PTPRJ: variants seen among roughly 807,000 people sequenced by gnomAD.
PTPRJ encodes the protein receptor-type tyrosine-protein phosphatase eta.
In PTPRJ, 129 loss-of-function variants were observed where a neutral mutation model predicts 141.3. That is an observed-to-expected ratio of 0.91 (90% confidence interval 0.79 to 1.06). The LOEUF (loss-of-function observed/expected upper bound fraction) is 1.06. Ranked by LOEUF, PTPRJ falls within the 50% of genes least tolerant of loss-of-function variation. The probability of loss-of-function intolerance (pLI) is 0.00; values close to 1 mark genes in which losing one functional copy is unlikely to be tolerated. For synonymous variants in PTPRJ, 610 were observed against 640.5 expected (o/e 0.95, Z 0.72); for missense variants, 1,601 against 1,679.7 (o/e 0.95, Z 0.82).
chr11:47,992,788 T>C (rs757296014), intron 1 of PTPRJ, among the ~76,000 whole-genome samples: 30 of 152,200 alleles, frequency 2.0e-4, no homozygotes, highest in Non-Finnish European at 4.1e-4. Flanking sequence ...TGGTAAGTAT[T>C]GTAAAAATAC....
At position 48,160,009 on chromosome 11, in the gene PTPRJ, T is replaced by C. The variant is rs143145279; in HGVS notation, c.3518T>C (p.Val1173Ala). ...DITVAMTSEI[V>A]LPEWTIRDFT... The stretch of plus-strand genomic sequence containing the variant: ...ACTGTGGCAATGACATCAGAAATTG[T>C]TCTTCCGGAATGGACCATCAGAGAT... The change falls in exon 22 of 25, where the codon GTT (valine) becomes GCT (alanine). Residue 1173 changes from valine to alanine, a missense_variant. Val to Ala is a moderately conservative substitution (Grantham distance 64). Coordinates refer to ENST00000418331, the MANE Select transcript of PTPRJ (RefSeq NM_002843.4). 645 of 1,614,042 alleles carry C rather than the reference T, an allele frequency of 4.0e-4. 4 individuals carry two copies. The East Asian group carries it at 0.01, about 25-fold the overall frequency.
chr11:48,150,014 A>G lies in PTPRJ; in HGVS notation c.3050+16A>G. The G allele has an allele frequency of 6.7e-7, 1 of 1,496,168 alleles. No homozygotes were observed. Among genetic ancestry groups the G allele is most frequent in the Non-Finnish European group, 9.2e-7 (1 of 1,081,852 alleles). The allele number at this position is 1,496,168 out of a possible 1,614,324, so 92.7% of individuals were successfully genotyped here. A position where few individuals can be genotyped will look rare whatever the true frequency, so the allele number is the denominator to read the frequency against. ...GACCTAAAAAGTGAGTAATCTCTTT[A>G]TTTTTTTTAATAACTTGTACTTTTC... On this transcript the variant is annotated intron_variant, in intron 17 of 24. Transcript: ENST00000418331.
chr11:48,163,358 A>G, intron 22 of PTPRJ, 100 bp from the exon 23 acceptor site: 1 of 1,137,868 alleles, frequency 8.8e-7, no homozygotes, highest in East Asian at 2.4e-5. Flanking sequence ...AGTCATTACA[A>G]CTCCTGGTTA....
At chr11:48,109,808 A>G (rs1856392997) in intron 1 of PTPRJ, among the ~76,000 whole-genome samples, 1 of 152,124 alleles carries the variant, frequency 6.6e-6, no homozygotes, top group South Asian at 2.1e-4. Context: ...GGGGAGAAAC[A>G]CTGGGCACTG....
At chr11:48,144,140 G>A (rs991986515) in intron 12 of PTPRJ, among the ~76,000 whole-genome samples, 1 of 152,172 alleles carries the variant, frequency 6.6e-6, no homozygotes, top group African/African-American at 2.4e-5. Flanking sequence ...CGGGGTTAGG[G>A]ATCTGGGAGG....
At chr11:48,097,796 C>A (rs576672910) in intron 1 of PTPRJ, among the ~76,000 whole-genome samples, 13 of 152,254 alleles carry the variant, frequency 8.5e-5, no homozygotes, top group Non-Finnish European at 1.3e-4. Flanking sequence ...CCTCAGCCCC[C>A]CAAAGTGCTA....
chr11:48,104,556 T>G (rs919383060), intron 1 of PTPRJ, among the ~76,000 whole-genome samples: 20 of 152,340 alleles, frequency 1.3e-4, no homozygotes, highest in Admixed American at 1.2e-3. Context: ...ATTGTGCTAT[T>G]CAGTCACTTA....
At chr11:47,991,947 C>T (rs970346886) in intron 1 of PTPRJ, among the ~76,000 whole-genome samples, 3 of 152,182 alleles carry the variant, frequency 2.0e-5, no homozygotes, top group Admixed American at 6.5e-5. Flanking sequence ...GAGACACTGG[C>T]ATAATTTACA....
chr11:48,096,090 TACTC>T (rs1855996381), intron 1 of PTPRJ, among the ~76,000 whole-genome samples: 1 of 152,234 alleles, frequency 6.6e-6, no homozygotes, highest in African/African-American at 2.4e-5. Flanking sequence ...ATTGCTGACT[TACTC>T]AGTTGATCAC....
chr11:48,003,518 A>G, intron 1 of PTPRJ, among the ~76,000 whole-genome samples: 1 of 152,050 alleles, frequency 6.6e-6, no homozygotes, highest in Admixed American at 6.6e-5. Flanking sequence ...TTTACTTGAG[A>G]CAGAGTTTTG....
rs559597426 is a variant in PTPRJ, at chr11:48,081,899, T to C, written c.97-28159T>C. Among the ~76,000 whole-genome samples the C allele has an allele frequency of 1.6e-4, 24 of 152,316 alleles. No individual in the cohort carries two copies. The East Asian group carries it at 4.6e-3, about 29-fold the overall frequency. Reference sequence around the variant, plus strand: ...ATGAAGTCTCAGGAAGCTCGAAGTTTGTAGTTAACTCTTTCAGGGTAGATG... The same window carrying C: ...ATGAAGTCTCAGGAAGCTCGAAGTTCGTAGTTAACTCTTTCAGGGTAGATG... On this transcript the variant is annotated intron_variant, in intron 1 of 24. Transcript: ENST00000418331.
chr11:48,110,574 A>T (rs1288686545), intron 2 of PTPRJ, among the ~76,000 whole-genome samples: 1 of 152,244 alleles, frequency 6.6e-6, no homozygotes, highest in Non-Finnish European at 1.5e-5. Flanking sequence ...TTGTGCAATC[A>T]TGATGAAAAT....
chr11:48,170,441 T>A lies in PTPRJ; in HGVS notation c.*3079T>A, dbSNP rs1226400773. 1 of 152,166 alleles carries A rather than the reference T, an allele frequency of 6.6e-6. No homozygotes were observed. Among genetic ancestry groups the A allele is most frequent in the African/African-American group, 2.4e-5 (1 of 41,428 alleles). The allele number at this position is 152,166 out of a possible 1,614,324, so 9.4% of individuals were successfully genotyped here. A position where few individuals can be genotyped will look rare whatever the true frequency, so the allele number is the denominator to read the frequency against. ...TGGGGATCGAGGGGCGGGGGTCAGC[T>A]ATGCAGCCCATCACGTGTGTTTTTC... On this transcript the variant is annotated 3_prime_UTR_variant, in exon 25 of 25. Coordinates refer to ENST00000418331, the MANE Select transcript of PTPRJ (RefSeq NM_002843.4).
chr11:47,981,082 G>A (rs1461375104), intron 1 of PTPRJ, 74 bp downstream of exon 1: 1 of 1,186,148 alleles, frequency 8.4e-7, no homozygotes, highest in Non-Finnish European at 1.0e-6. Flanking sequence ...CTGCCCGAGC[G>A]TACCCCCCCG....
At chr11:48,046,889 CATATATAT>C (rs1243672838) in intron 1 of PTPRJ, among the ~76,000 whole-genome samples, 2 of 76,912 alleles carry the variant, frequency 2.6e-5, no homozygotes, top group African/African-American at 8.4e-5. Flanking sequence ...AATATGTTTA[CATATATAT>C]ATATATATAT....
At chr11:48,100,906 G>T (rs1179009490) in intron 1 of PTPRJ, among the ~76,000 whole-genome samples, 5 of 145,408 alleles carry the variant, frequency 3.4e-5, no homozygotes, top group Admixed American at 2.1e-4. Flanking sequence ...AAAAAAAAAA[G>T]ATCAAATAGA....
chr11:48,081,157 C>T (rs1855547991), intron 1 of PTPRJ, among the ~76,000 whole-genome samples: 1 of 152,238 alleles, frequency 6.6e-6, no homozygotes, highest in Non-Finnish European at 1.5e-5. Flanking sequence ...AACCCTGGCA[C>T]AGGTGCCCAG....
chr11:48,153,120 A>G (rs999685910), intron 18 of PTPRJ, among the ~76,000 whole-genome samples: 4 of 152,058 alleles, frequency 2.6e-5, no homozygotes, highest in African/African-American at 9.7e-5. Flanking sequence ...TTGCCGGGGA[A>G]GAAAGCTTTA....
intron 15 of PTPRJ, among the ~76,000 whole-genome samples, chr11:48,148,841 A>G (rs144694479): frequency 2.0e-5 from 3 of 152,292 alleles, no homozygotes; most frequent in African/African-American, 2.4e-5. Context: ...TCTTGGCCAC[A>G]GTTACTTATC....
Sources: gnomAD v4.1 joint callset for allele counts (sites outside exome capture counted in the v4.1 genomes callset) on GRCh38, gnomAD v4.1.1 for gene constraint, MANE v1.5 for transcripts, NCBI Gene and HGNC (gene_info 2026-07-23, HGNC 2026-07-21) for gene names.